Variants in SMOX observed in about 807,000 individuals in gnomAD.
SMOX encodes the protein flavin containing amine oxidase.
A neutral mutation model predicts 51.0 loss-of-function variants in SMOX; 22 were observed. The observed-to-expected ratio is 0.43, with a 90% CI of 0.31 to 0.62. The LOEUF (loss-of-function observed/expected upper bound fraction) is 0.62. Ranked by LOEUF, SMOX falls within the 20% of genes least tolerant of loss-of-function variation. SMOX has a pLI of 0.10. For missense variants in SMOX, 566 were observed against 777.7 expected (o/e 0.73, Z 3.24); for synonymous variants, 282 against 307.8 (o/e 0.92, Z 0.88).
chr20:4,156,981 G>A (rs1157836280), intron 1 of SMOX, among the ~76,000 whole-genome samples: 1 of 152,188 alleles, frequency 6.6e-6, no homozygotes, highest in Non-Finnish European at 1.5e-5. Flanking sequence ...GGCCTCAGGT[G>A]ATCTGCTCAC....
intron 1 of SMOX, among the ~76,000 whole-genome samples, chr20:4,165,085 C>T (rs1441173965): frequency 6.5e-5 from 8 of 122,944 alleles, no homozygotes; most frequent in African/African-American, 1.4e-4. Context: ...GACAGAGTCT[C>T]GCTCTGTTGT....
At chr20:4,157,214 A>G (rs1294387768) in intron 1 of SMOX, among the ~76,000 whole-genome samples, 2 of 152,122 alleles carry the variant, frequency 1.3e-5, no homozygotes, top group African/African-American at 4.8e-5. Context: ...TGAGGGTAAT[A>G]TTACCTCCCT....
At chr20:4,186,159 T>C (rs574154389) in intron 6 of SMOX, among the ~76,000 whole-genome samples, 1 of 151,900 alleles carries the variant, frequency 6.6e-6, no homozygotes, top group Admixed American at 6.6e-5. Context: ...AAAAAAAAAT[T>C]AGCCAGGTGT....
chr20:4,183,174 AT>A lies in SMOX; in HGVS notation c.1370-315del, dbSNP rs1288183513. On this transcript the variant is annotated intron_variant, in intron 5 of 6. Transcript: ENST00000305958. The surrounding 1 kb of genome is among the most constrained non-coding windows in gnomAD (Gnocchi z 4.3). Reference sequence around the variant, plus strand: ...TACTCTCTGAGTCTTTCAGCTCAACATTTTTCACCCACTATTCCAGGAGGAC... The same window carrying A: ...TACTCTCTGAGTCTTTCAGCTCAACATTTTCACCCACTATTCCAGGAGGAC... 7.1e-6 allele frequency: 4 copies of A among 564,702 alleles called. No homozygotes were observed. Among genetic ancestry groups the A allele is most frequent in the African/African-American group, 1.9e-5 (1 of 53,262 alleles). 35.0% of individuals were successfully genotyped at this position (564,702 alleles called of 1,614,324 possible).
intron 1 of SMOX, chr20:4,171,711 T>C (rs1978403451): frequency 6.6e-6 from 1 of 152,292 alleles, no homozygotes; most frequent in Non-Finnish European, 1.5e-5. Context: ...CTGGGGGTTC[T>C]TTCTGTGCTG....
chr20:4,152,371 C>T (rs949315235), intron 1 of SMOX, among the ~76,000 whole-genome samples: 2 of 152,114 alleles, frequency 1.3e-5, no homozygotes, highest in Admixed American at 1.3e-4. Context: ...TATCTCTAGA[C>T]TCTTGCCTTT....
At chr20:4,150,479 C>G (rs1014337438) in intron 1 of SMOX, among the ~76,000 whole-genome samples, 30 of 152,228 alleles carry the variant, frequency 2.0e-4, no homozygotes, top group African/African-American at 7.0e-4. Context: ...TTTTCTTAGA[C>G]TTCTTTTCAG....
Position 4,183,489 on chromosome 20 carries a change from A to C in SMOX, c.1370-5A>C, listed in dbSNP as rs552280188. On this transcript the variant is annotated splice_region_variant and splice_polypyrimidine_tract_variant and intron_variant, in intron 5 of 6. Transcript: ENST00000305958. This position sits in a 1 kb window ranked among gnomAD's most constrained non-coding sequence, Gnocchi z 4.3. Reference sequence around the variant, plus strand: ...CTCCTCTTGGCTTTTCTGACTCTCCATCAGGGAACCCCAACATTCCAAAAC... The same window carrying C: ...CTCCTCTTGGCTTTTCTGACTCTCCCTCAGGGAACCCCAACATTCCAAAAC... 3.1e-6 allele frequency: 5 copies of C among 1,614,048 alleles called. No individual in the cohort carries two copies. In the South Asian group the frequency reaches 3.3e-5, roughly 11 times the overall value.
chr20:4,171,582 C>T (rs1006060051), intron 1 of SMOX: 6 of 152,286 alleles, frequency 3.9e-5, no homozygotes, highest in Admixed American at 2.0e-4. Flanking sequence ...GGGACAGGAC[C>T]GTGGGATTAG....
At chr20:4,154,835 G>A (rs1024259156) in intron 1 of SMOX, among the ~76,000 whole-genome samples, 17 of 151,352 alleles carry the variant, frequency 1.1e-4, no homozygotes, top group Admixed American at 7.9e-4. Context: ...GGGATGTGTA[G>A]GGAGCTGCCG....
chr20:4,180,193 G>A (rs2122566279), intron 3 of SMOX, among the ~76,000 whole-genome samples: 1 of 152,344 alleles, frequency 6.6e-6, no homozygotes, highest in Non-Finnish European at 1.5e-5. Flanking sequence ...CCTGATTGCA[G>A]GGAGGCAAGA....
At chr20:4,180,480 G>T (rs1312102442) in intron 3 of SMOX, among the ~76,000 whole-genome samples, 1 of 152,210 alleles carries the variant, frequency 6.6e-6, no homozygotes, top group African/African-American at 2.4e-5. Context: ...ACAGGGGCTC[G>T]ACCAAGGAGC....
In SMOX at chr20:4,183,602, A is replaced by T; in HGVS notation, c.1478A>T (p.Asp493Val). 1 of 1,607,642 alleles carries T rather than the reference A, an allele frequency of 6.2e-7. No individual in the cohort carries two copies. Among genetic ancestry groups the T allele is most frequent in the Non-Finnish European group, 8.5e-7 (1 of 1,176,346 alleles). ...ACGCAGGTGGGCTCCAGCGGGGCGG[A>T]TGTGGAGAAGCTGGCCAAGCCCCTG... Reference protein sequence around the residue: ...SYTQVGSSGADVEKLAKPLPY... With the variant: ...SYTQVGSSGAVVEKLAKPLPY... The change falls in exon 6 of 7, where the codon GAT (aspartate) becomes GTT (valine). Residue 493 changes from aspartate to valine, a missense_variant. Physicochemically the swap from Asp to Val is radical, Grantham distance 152 (BLOSUM62 -3). Coordinates refer to ENST00000305958, the MANE Select transcript of SMOX (RefSeq NM_175839.3). This position sits in a 1 kb window ranked among gnomAD's most constrained non-coding sequence, Gnocchi z 4.3.
intron 1 of SMOX, among the ~76,000 whole-genome samples, chr20:4,151,312 C>G (rs1331486584): frequency 6.6e-6 from 1 of 152,206 alleles, no homozygotes; most frequent in Admixed American, 6.5e-5. Context: ...CAGGTCTACA[C>G]TTGCCCTTCT....
chr20:4,172,625 G>A lies in SMOX; in HGVS notation c.-26-2405G>A, dbSNP rs952294143. Among the ~76,000 whole-genome samples the A allele has an allele frequency of 6.6e-6, 1 of 152,130 alleles. No individual in the cohort carries two copies. Among genetic ancestry groups the A allele is most frequent in the East Asian group, 1.9e-4 (1 of 5,182 alleles). On this transcript the variant is annotated intron_variant, in intron 1 of 6. Coordinates refer to ENST00000305958, the MANE Select transcript of SMOX (RefSeq NM_175839.3). The surrounding 1 kb of genome is among the most constrained non-coding windows in gnomAD (Gnocchi z 7.7). ...GTGGCCTCATCCCCAGCGAAAGCGC[G>A]ACACCCGCTGTCTGGGAAGGGGAGC...
At chr20:4,175,528 A>G (rs192697110) in intron 2 of SMOX, among the ~76,000 whole-genome samples, 3 of 152,290 alleles carry the variant, frequency 2.0e-5, no homozygotes, top group Non-Finnish European at 4.4e-5. Context: ...TGGACACCCA[A>G]GCTCTCTTGG....
chr20:4,175,419 G>A (rs1212704959), intron 2 of SMOX, among the ~76,000 whole-genome samples, 156 bp downstream of exon 2: 20 of 152,138 alleles, frequency 1.3e-4, no homozygotes, highest in Admixed American at 1.2e-3. Flanking sequence ...TTCGCTCCTC[G>A]TGGCAGCCCT....
chr20:4,156,853 T>A (rs577208505), intron 1 of SMOX, among the ~76,000 whole-genome samples: 14 of 152,210 alleles, frequency 9.2e-5, no homozygotes, highest in African/African-American at 3.4e-4. Flanking sequence ...AGCAATTCTC[T>A]TGCCTCAGCC....
chr20:4,173,777 T>G (rs976000379), intron 1 of SMOX, among the ~76,000 whole-genome samples: 5 of 152,240 alleles, frequency 3.3e-5, no homozygotes, highest in Non-Finnish European at 5.9e-5. Context: ...GGAATCTAAA[T>G]TGCTTGAATC....
Sources: allele counts gnomAD v4.1 joint callset (sites outside exome capture counted in the v4.1 genomes callset), GRCh38; gene constraint gnomAD v4.1.1; non-coding constraint Gnocchi (gnomAD v3.1); transcripts MANE v1.5; gene names NCBI Gene and HGNC (gene_info 2026-07-23, HGNC 2026-07-21).